The following CTNNA3 variants were observed in gnomAD, a reference collection of about 807,000 sequenced individuals.
CTNNA3 encodes catenin alpha-3.
A neutral mutation model predicts 95.7 loss-of-function variants in CTNNA3; 76 were observed. The ratio of observed to expected loss-of-function variants is 0.79; its 90% CI spans 0.66 to 0.96. CTNNA3 has a LOEUF of 0.96. Ranked by LOEUF, CTNNA3 falls within the 40% of genes least tolerant of loss-of-function variation. CTNNA3 has a pLI of 0.00. For missense variants in CTNNA3, 1,191 were observed against 1,089.8 expected (o/e 1.09, Z -1.31); for synonymous variants, 431 against 374.4 (o/e 1.15, Z -1.74).
intron 16 of CTNNA3, among the ~76,000 whole-genome samples, chr10:65,973,425 GA>G (rs2133278846): frequency 6.6e-6 from 1 of 152,174 alleles, no homozygotes; most frequent in South Asian, 2.1e-4. Flanking sequence ...CACAATGGAA[GA>G]AAATATTTGC....
At chr10:67,665,598 T>A (rs994391001) in intron 1 of CTNNA3, 9 of 152,146 alleles carry the variant, frequency 5.9e-5, no homozygotes, top group African/African-American at 1.9e-4. Context: ...TCTAAGCAAT[T>A]TCTTGTATTT....
At chr10:66,489,730 G>A (rs1246061470) in intron 11 of CTNNA3, among the ~76,000 whole-genome samples, 2 of 152,112 alleles carry the variant, frequency 1.3e-5, no homozygotes, top group African/African-American at 2.4e-5. Flanking sequence ...GCTGTGCTGA[G>A]ATTCAACTAG....
At chr10:67,458,948 C>G (rs1378602418) in intron 5 of CTNNA3, among the ~76,000 whole-genome samples, 1 of 152,150 alleles carries the variant, frequency 6.6e-6, no homozygotes, top group African/African-American at 2.4e-5. Flanking sequence ...TCAAACAACA[C>G]TTTTTCTCCA....
intron 9 of CTNNA3, among the ~76,000 whole-genome samples, chr10:66,695,445 G>C (rs553586205): frequency 6.6e-6 from 1 of 152,236 alleles, no homozygotes; most frequent in South Asian, 2.1e-4. Context: ...ACTTCCCAGG[G>C]AAAATGAGAG....
At position 66,220,161 on chromosome 10, in the gene CTNNA3, AAC is replaced by A. The variant is rs1198806723; in HGVS notation, c.1884+60307_1884+60308del. Among the ~76,000 whole-genome samples, 3 of 152,250 alleles carry A rather than the reference AAC, an allele frequency of 2.0e-5. No homozygotes were observed. In the East Asian group the frequency reaches 5.8e-4, roughly 29 times the overall value. On this transcript the variant is annotated intron_variant, in intron 13 of 17. Transcript: ENST00000433211. ...AAGAAGAAGAATAAAGATATCCACA[AAC>A]ACAGAAACATGGGTAAGATTTATCT... is the stretch of plus-strand genomic sequence containing the variant.
intron 5 of CTNNA3, among the ~76,000 whole-genome samples, chr10:67,243,852 C>T (rs1186080443): frequency 1.3e-5 from 2 of 152,206 alleles, no homozygotes; most frequent in Non-Finnish European, 2.9e-5. Context: ...TAAACTATTA[C>T]TCTTTGCTGT....
chr10:66,272,625 A>G (rs1424379619), intron 13 of CTNNA3, among the ~76,000 whole-genome samples: 1 of 142,594 alleles, frequency 7.0e-6, no homozygotes, highest in Non-Finnish European at 1.5e-5. Flanking sequence ...GAGCTTACCA[A>G]TTTATTCTCC....
chr10:66,641,328 A>T lies in CTNNA3; in HGVS notation c.1282-19544T>A, dbSNP rs111662942. ...GTAGAAAAAGAAATTTCCATGTTGT[A>T]GCATATTGCATTTTCTAAAAATGGC... On this transcript the variant is annotated intron_variant, in intron 9 of 17. Coordinates refer to ENST00000433211, the MANE Select transcript of CTNNA3 (RefSeq NM_013266.4). 2.0e-4 allele frequency among the ~76,000 whole-genome samples: 31 copies of T among 152,182 alleles called. 1 individual carries two copies. The highest frequency in any genetic ancestry group is 4.0e-4 in the Non-Finnish European group (27 of 68,018).
intron 12 of CTNNA3, among the ~76,000 whole-genome samples, chr10:66,301,372 G>A (rs927637604): frequency 6.6e-6 from 1 of 151,834 alleles, no homozygotes; most frequent in East Asian, 1.9e-4. Context: ...TGAAAGAAAG[G>A]AAAATTACAG....
intron 5 of CTNNA3, among the ~76,000 whole-genome samples, chr10:67,421,529 G>A (rs1021658443): frequency 6.6e-6 from 1 of 152,084 alleles, no homozygotes; most frequent in Non-Finnish European, 1.5e-5. Flanking sequence ...CTTTCCCATT[G>A]TCACATGGGG....
chr10:67,461,952 A>ATT, intron 5 of CTNNA3, among the ~76,000 whole-genome samples: 1 of 152,312 alleles, frequency 6.6e-6, no homozygotes, highest in Middle Eastern at 3.4e-3. Flanking sequence ...CAACTCCAGA[A>ATT]AAGAAATGAT....
At chr10:67,022,665 C>T (rs1023324218) in intron 7 of CTNNA3, among the ~76,000 whole-genome samples, 6 of 152,100 alleles carry the variant, frequency 3.9e-5, no homozygotes, top group Admixed American at 3.3e-4. Flanking sequence ...AGGCCGGGCA[C>T]GGTGGTTCAT....
At chr10:67,591,051 C>T (rs187760003) in intron 3 of CTNNA3, among the ~76,000 whole-genome samples, 64 of 152,062 alleles carry the variant, frequency 4.2e-4, no homozygotes, top group Non-Finnish European at 7.5e-4. Flanking sequence ...CCTAAGTCTA[C>T]CTGGAGTTGA....
At chr10:66,945,918 T>C (rs1399432571) in intron 7 of CTNNA3, among the ~76,000 whole-genome samples, 1 of 152,166 alleles carries the variant, frequency 6.6e-6, no homozygotes, top group Non-Finnish European at 1.5e-5. Context: ...TCAGATTCTA[T>C]GGTTGTAGTT....
At chr10:67,343,961 T>C (rs1181053095) in intron 5 of CTNNA3, among the ~76,000 whole-genome samples, 1 of 148,620 alleles carries the variant, frequency 6.7e-6, no homozygotes, top group Non-Finnish European at 1.5e-5. Context: ...CTTTATTTTA[T>C]TATAGTATAA....
At chr10:67,179,494 C>CAAAAAAAAAAAAAAA (rs35292826) in intron 7 of CTNNA3, among the ~76,000 whole-genome samples, 1 of 85,292 alleles carries the variant, frequency 1.2e-5, no homozygotes, top group Non-Finnish European at 2.7e-5. Flanking sequence ...GCTAAAACTT[C>CAAAAAAAAAAAAAAA]AAAAAAAAAA....
intron 5 of CTNNA3, among the ~76,000 whole-genome samples, chr10:67,348,206 A>T (rs1367744221): frequency 6.6e-6 from 1 of 152,208 alleles, no homozygotes; most frequent in East Asian, 1.9e-4. Context: ...AGAAGAAAAC[A>T]TAGTGGAAAA....
Position 66,927,052 on chromosome 10 carries a change from T to C in CTNNA3, c.1048-151528A>G. The C allele has an allele frequency of 1.9e-6, 3 of 1,614,204 alleles. No homozygotes were observed. The highest frequency in any genetic ancestry group is 1.7e-5 in the Admixed American group (1 of 60,026). ...CTGTAGGTGTGAAGGCAAAATGGTA[T>C]ATTGTGAATCTCAGAAATTACAGGA... On this transcript the variant is annotated intron_variant, in intron 7 of 17. Transcript: ENST00000433211. This position sits in a 1 kb window ranked among gnomAD's most constrained non-coding sequence, Gnocchi z 4.7.
chr10:67,654,529 A>T (rs1839966897), intron 1 of CTNNA3, among the ~76,000 whole-genome samples: 1 of 151,568 alleles, frequency 6.6e-6, no homozygotes, highest in Admixed American at 6.6e-5. Flanking sequence ...CTGTTGCCCA[A>T]GCTGGAGTGC....
Sources: allele counts gnomAD v4.1 joint callset (sites outside exome capture counted in the v4.1 genomes callset), GRCh38; gene constraint gnomAD v4.1.1; non-coding constraint Gnocchi (gnomAD v3.1); transcripts MANE v1.5; gene names NCBI Gene and HGNC (gene_info 2026-07-23, HGNC 2026-07-21).